The following API5 variants were observed in gnomAD, a reference collection of about 807,000 sequenced individuals.
API5 encodes FIF.
API5 carries 6 observed loss-of-function variants against 71.9 expected under a neutral mutation model. The observed-to-expected ratio is 0.08, with a 90% CI of 0.05 to 0.16. API5 has a LOEUF of 0.16. Ranked by LOEUF, API5 falls within the 10% of genes least tolerant of loss-of-function variation. API5 has a pLI of 1.00. For synonymous variants in API5, 189 were observed against 221.3 expected (o/e 0.85, Z 1.30); for missense variants, 332 against 612.8 (o/e 0.54, Z 4.84).
chr11:43,328,900 T>C lies in API5; in HGVS notation c.1127+7T>C, dbSNP rs373801962. On this transcript the variant is annotated splice_region_variant and intron_variant, in intron 9 of 13. Coordinates refer to ENST00000531273, the MANE Select transcript of API5 (RefSeq NM_001142930.2). Reference sequence around the variant, plus strand: ...TCAAAGATTTCAAAATCAGGTGATATATGATTGAGGTGGCTCAATCCTTGG... The same window carrying C: ...TCAAAGATTTCAAAATCAGGTGATACATGATTGAGGTGGCTCAATCCTTGG... 23 of 1,613,752 alleles carry C rather than the reference T, an allele frequency of 1.4e-5. No individual in the cohort carries two copies. Among genetic ancestry groups the C allele is most frequent in the African/African-American group, 8.0e-5 (6 of 74,898 alleles).
intron 13 of API5, among the ~76,000 whole-genome samples, chr11:43,337,363 A>G (rs1194490195): frequency 6.6e-6 from 1 of 152,160 alleles, no homozygotes; most frequent in African/African-American, 2.4e-5. Context: ...ACCATATAAT[A>G]TCTGTAATTT....
At chr11:43,335,224 CTCCCTGCCACCAA>C in intron 11 of API5, 41 bp from the exon 12 acceptor site, 2 of 1,318,722 alleles carry the variant, frequency 1.5e-6, no homozygotes, top group Non-Finnish European at 1.1e-6. Context: ...CTCACCACCA[CTCCCTGCCACCAA>C]CAAATACATT....
At chr11:43,319,550 G>A (rs1055108168) in intron 2 of API5, among the ~76,000 whole-genome samples, 1 of 151,840 alleles carries the variant, frequency 6.6e-6, no homozygotes, top group Non-Finnish European at 1.5e-5. Context: ...TTCCACTTTA[G>A]CCTCCCAAGC....
At chr11:43,320,744 AAG>A in intron 2 of API5, 75 bp from the exon 3 acceptor site, 1 of 1,264,056 alleles carries the variant, frequency 7.9e-7, no homozygotes, top group Non-Finnish European at 1.1e-6. Flanking sequence ...AAAAAAAAAA[AAG>A]AAAGAAAAGA....
At chr11:43,313,402 C>T (rs1244187801) in intron 1 of API5, among the ~76,000 whole-genome samples, 2 of 152,120 alleles carry the variant, frequency 1.3e-5, no homozygotes, top group African/African-American at 2.4e-5. Flanking sequence ...CTGGAGGTAA[C>T]CTTGATCATT....
Position 43,312,212 on chromosome 11 carries a change from G to C in API5, c.69+16G>C, listed in dbSNP as rs1182685695. 6.2e-7 allele frequency: 1 copy of C among 1,612,722 alleles called. No individual in the cohort carries two copies. Among genetic ancestry groups the C allele is most frequent in the South Asian group, 1.1e-5 (1 of 90,984 alleles). On this transcript the variant is annotated intron_variant, in intron 1 of 13. Coordinates refer to ENST00000531273, the MANE Select transcript of API5 (RefSeq NM_001142930.2). ...AGTGGGCCAGGTGAGTTGAGTCCCC[G>C]GGCGGCCTGCAGGGCCTGGCGCTCC...
intron 4 of API5, 100 bp from the exon 5 acceptor site, chr11:43,321,885 A>G: frequency 8.1e-7 from 1 of 1,237,074 alleles, no homozygotes; most frequent in East Asian, 2.4e-5. Context: ...TGGGAAGTTC[A>G]TTAACTTATT....
Position 43,328,822 on chromosome 11 carries a change from G to A in API5, c.1056G>A (p.Gln352=). 1 of 1,614,040 alleles carries A rather than the reference G, an allele frequency of 6.2e-7. No homozygotes were observed. Among genetic ancestry groups the A allele is most frequent in the South Asian group, 1.1e-5 (1 of 91,086 alleles). The change falls in exon 9 of 14, where the codon CAG becomes CAA. Residue 352 remains glutamine, a synonymous_variant. Transcript: ENST00000531273. ...AATGTTTGTTGTACAGTTTTCACCA[G>A]TTGGGCCGAAAACTTCCAGATTTCT... ...YVECLLYSFH[Q]LGRKLPDFLT...
chr11:43,340,227 G>T, intron 13 of API5: 1 of 351,264 alleles, frequency 2.8e-6, no homozygotes, highest in Non-Finnish European at 5.5e-6. Context: ...AACCAAGAAG[G>T]TAAAATATTT....
chr11:43,337,408 A>G (rs949688824), intron 13 of API5, among the ~76,000 whole-genome samples: 9 of 152,218 alleles, frequency 5.9e-5, no homozygotes, highest in African/African-American at 2.2e-4. Context: ...ACATTAAATT[A>G]CTTCTATAAC....
At chr11:43,329,458 G>T (rs891732951) in intron 9 of API5, 1 of 154,624 alleles carries the variant, frequency 6.5e-6, no homozygotes, top group Non-Finnish European at 1.4e-5. Context: ...TCTTGGGCAG[G>T]TACCCTAACC....
intron 13 of API5, among the ~76,000 whole-genome samples, chr11:43,339,887 G>A (rs1051094105): frequency 1.3e-5 from 2 of 152,076 alleles, no homozygotes; most frequent in Non-Finnish European, 2.9e-5. Flanking sequence ...GTTACCTTTA[G>A]TAATGATAGA....
intron 7 of API5, among the ~76,000 whole-genome samples, chr11:43,327,257 A>G (rs1191175167): frequency 6.6e-6 from 1 of 152,276 alleles, no homozygotes; most frequent in Non-Finnish European, 1.5e-5. Flanking sequence ...GGCTAGGCCC[A>G]TCAGACTGGG....
At chr11:43,315,210 A>G (rs958586710) in intron 1 of API5, among the ~76,000 whole-genome samples, 4 of 152,162 alleles carry the variant, frequency 2.6e-5, no homozygotes, top group African/African-American at 9.7e-5. Context: ...TTCTAAATAT[A>G]TAAGGGTAAA....
intron 1 of API5, among the ~76,000 whole-genome samples, chr11:43,314,801 C>T (rs779088597): frequency 6.6e-6 from 1 of 152,160 alleles, no homozygotes; most frequent in African/African-American, 2.4e-5. Flanking sequence ...ATACTTCTCC[C>T]CTTTTAGATA....
Position 43,312,080 on chromosome 11 carries a change from C to G in API5, c.-48C>G, listed in dbSNP as rs377415422. ...AGAAGTTCCGAGGCGGCGGTGGCGC[C>G]GGTCAGGACAAGGATAGCGGAACCG... On this transcript the variant is annotated 5_prime_UTR_variant, in exon 1 of 14. Transcript: ENST00000531273. 70 of 1,603,952 alleles carry G rather than the reference C, an allele frequency of 4.4e-5. No individual in the cohort carries two copies. The highest frequency in any genetic ancestry group is 2.0e-4 in the Middle Eastern group (1 of 4,920).
chr11:43,329,122 G>A (rs1352677897), intron 9 of API5: 3 of 467,042 alleles, frequency 6.4e-6, no homozygotes, highest in African/African-American at 1.9e-5. Flanking sequence ...CAGGAGGGTT[G>A]CTTGACACCA....
chr11:43,312,092 G>A lies in API5; in HGVS notation c.-36G>A. 1 of 1,611,998 alleles carries A rather than the reference G, an allele frequency of 6.2e-7. No individual in the cohort carries two copies. Among genetic ancestry groups the A allele is most frequent in the Middle Eastern group, 1.9e-4 (1 of 5,242 alleles). On this transcript the variant is annotated 5_prime_UTR_variant, in exon 1 of 14. Coordinates refer to ENST00000531273, the MANE Select transcript of API5 (RefSeq NM_001142930.2). ...GCGGCGGTGGCGCCGGTCAGGACAAGGATAGCGGAACCGGGCCCTGGGCTT... is the reference window on the plus strand; with the variant it reads ...GCGGCGGTGGCGCCGGTCAGGACAAAGATAGCGGAACCGGGCCCTGGGCTT...
chr11:43,341,816 C>A (rs1855625381), intron 13 of API5, among the ~76,000 whole-genome samples: 1 of 152,090 alleles, frequency 6.6e-6, no homozygotes, highest in Non-Finnish European at 1.5e-5. Context: ...TATTCTACCC[C>A]ACGAATATGT....
Sources: gnomAD v4.1 joint callset for allele counts (sites outside exome capture counted in the v4.1 genomes callset) on GRCh38, gnomAD v4.1.1 for gene constraint, MANE v1.5 for transcripts, NCBI Gene and HGNC (gene_info 2026-07-23, HGNC 2026-07-21) for gene names.